SLC25A26: variants seen among roughly 807,000 people sequenced by gnomAD.
SLC25A26 encodes mitochondrial S-adenosylmethionine carrier protein.
SLC25A26 carries 36 observed loss-of-function variants against 37.8 expected under a neutral mutation model. The observed-to-expected ratio is 0.95, with a 90% CI of 0.73 to 1.26. SLC25A26 has a LOEUF of 1.26. Among genes scored for constraint, SLC25A26 ranks in the 50% most tolerant of loss-of-function variants. The pLI, the probability that SLC25A26 is intolerant of heterozygous loss-of-function variation, is 0.00. For missense variants in SLC25A26, 390 were observed against 331.1 expected (o/e 1.18, Z -1.38); for synonymous variants, 129 against 122.5 (o/e 1.05, Z -0.35).
At chr3:66,330,684 G>C (rs918407215) in intron 5 of SLC25A26, among the ~76,000 whole-genome samples, 1 of 151,720 alleles carries the variant, frequency 6.6e-6, no homozygotes, top group African/African-American at 2.4e-5. Context: ...CAGAATACAC[G>C]AAGTTTGTAA....
At chr3:66,364,718 T>C (rs2076788243) in intron 7 of SLC25A26, among the ~76,000 whole-genome samples, 1 of 152,138 alleles carries the variant, frequency 6.6e-6, no homozygotes, top group Non-Finnish European at 1.5e-5. Flanking sequence ...ATCCAGAAAA[T>C]GAAAACCTAC....
chr3:66,239,915 C>G (rs1401056346), intron 2 of SLC25A26, among the ~76,000 whole-genome samples: 2 of 149,456 alleles, frequency 1.3e-5, no homozygotes, highest in African/African-American at 4.9e-5. Flanking sequence ...TCTGTGGTAC[C>G]TAACAAGCAA....
At chr3:66,236,349 GC>G (rs1389932573) in intron 1 of SLC25A26, among the ~76,000 whole-genome samples, 194 bp from the exon 2 acceptor site, 1 of 149,714 alleles carries the variant, frequency 6.7e-6, no homozygotes, top group Non-Finnish European at 1.5e-5. Flanking sequence ...TAAAAATATA[GC>G]ACAATAATGG....
At chr3:66,351,496 G>A (rs2076452307) in intron 6 of SLC25A26, among the ~76,000 whole-genome samples, 1 of 152,094 alleles carries the variant, frequency 6.6e-6, no homozygotes, top group African/African-American at 2.4e-5. Flanking sequence ...ACAAAGACCT[G>A]TAGCTTGCTA....
chr3:66,239,904 G>T (rs887031786), intron 2 of SLC25A26, among the ~76,000 whole-genome samples: 2 of 145,266 alleles, frequency 1.4e-5, no homozygotes, highest in African/African-American at 5.1e-5. Context: ...TCAGGTTTCA[G>T]TCTGTGGTAC....
chr3:66,229,330 A>G (rs2071901069), intron 1 of SLC25A26, among the ~76,000 whole-genome samples: 1 of 152,180 alleles, frequency 6.6e-6, no homozygotes, highest in Admixed American at 6.5e-5. Flanking sequence ...TAGTTTCCCT[A>G]AGAAGACTGA....
intron 1 of SLC25A26, among the ~76,000 whole-genome samples, chr3:66,169,002 G>A (rs2070460743): frequency 6.6e-6 from 1 of 152,130 alleles, no homozygotes; most frequent in Admixed American, 6.5e-5. Context: ...GTGTGTGCCT[G>A]TAGTCCCAAC....
intron 5 of SLC25A26, among the ~76,000 whole-genome samples, chr3:66,279,907 C>T (rs1330722798): frequency 2.0e-5 from 3 of 152,062 alleles, no homozygotes; most frequent in Admixed American, 6.6e-5. Context: ...AAAATCACTT[C>T]GGGACAAAAT....
chr3:66,340,244 C>A (rs1559716526), intron 5 of SLC25A26, among the ~76,000 whole-genome samples: 1 of 151,944 alleles, frequency 6.6e-6, no homozygotes, highest in East Asian at 1.9e-4. Context: ...CAGTTTTGTT[C>A]ATTGTAGCTA....
At chr3:66,370,011 T>A (rs1700260622) in intron 8 of SLC25A26, among the ~76,000 whole-genome samples, 1 of 152,164 alleles carries the variant, frequency 6.6e-6, no homozygotes, top group African/African-American at 2.4e-5. Context: ...GCCATACGTA[T>A]AACATACCTG....
At chr3:66,307,096 T>A (rs1481730792) in intron 5 of SLC25A26, among the ~76,000 whole-genome samples, 1 of 152,212 alleles carries the variant, frequency 6.6e-6, no homozygotes, top group African/African-American at 2.4e-5. Flanking sequence ...TCTTCCATAA[T>A]GGTTAAACTA....
At chr3:66,240,207 A>G (rs2072506775) in intron 2 of SLC25A26, among the ~76,000 whole-genome samples, 1 of 152,182 alleles carries the variant, frequency 6.6e-6, no homozygotes, top group Non-Finnish European at 1.5e-5. Flanking sequence ...ACTCACTATA[A>G]TAGCAAGAGG....
Position 66,371,238 on chromosome 3 carries a change from C to A in SLC25A26, c.707+636C>A, listed in dbSNP as rs761944557. The A allele has an allele frequency of 1.8e-5, 28 of 1,541,634 alleles. No individual in the cohort carries two copies. In the African/African-American group the frequency reaches 3.2e-4, roughly 17 times the overall value. On this transcript the variant is annotated intron_variant, in intron 9 of 9. Transcript: ENST00000354883. ...CAGGGATTTTCTTGCAAGAGCAAAG[C>A]AGTGGCCTCCCTTTGCAGAGGGTCG...
chr3:66,356,696 G>A (rs1022394401), intron 6 of SLC25A26, among the ~76,000 whole-genome samples: 9 of 152,074 alleles, frequency 5.9e-5, no homozygotes, highest in South Asian at 2.1e-4. Context: ...TGGTGTGATC[G>A]CTGATAACTG....
At chr3:66,308,301 TTGTC>T (rs2075282520) in intron 5 of SLC25A26, among the ~76,000 whole-genome samples, 1 of 152,196 alleles carries the variant, frequency 6.6e-6, no homozygotes, top group Non-Finnish European at 1.5e-5. Flanking sequence ...GGCTCTCTGA[TTGTC>T]TGTTAATGGT....
At chr3:66,189,935 G>A (rs981200931) in intron 1 of SLC25A26, among the ~76,000 whole-genome samples, 4 of 152,128 alleles carry the variant, frequency 2.6e-5, no homozygotes, top group Admixed American at 6.5e-5. Context: ...AAAGTACTGG[G>A]ATTACAGGAG....
At chr3:66,192,311 A>G (rs1162008610) in intron 1 of SLC25A26, among the ~76,000 whole-genome samples, 3 of 65,438 alleles carry the variant, frequency 4.6e-5, no homozygotes, top group African/African-American at 2.1e-4. Flanking sequence ...GCAAGACTCC[A>G]TGTCACAAAA....
At chr3:66,164,064 C>A (rs1222035899) in intron 1 of SLC25A26, among the ~76,000 whole-genome samples, 3 of 152,124 alleles carry the variant, frequency 2.0e-5, no homozygotes, top group Non-Finnish European at 4.4e-5. Context: ...CTGATTTAAA[C>A]AATTAATACT....
In SLC25A26 at chr3:66,374,349, C is replaced by T. The variant is rs893404704; in HGVS notation, c.708-3341C>T. 2.6e-4 allele frequency among the ~76,000 whole-genome samples: 39 copies of T among 152,134 alleles called. 1 individual carries two copies. The highest frequency in any genetic ancestry group is 2.9e-5 in the Non-Finnish European group (2 of 68,030). On this transcript the variant is annotated intron_variant, in intron 9 of 9. Coordinates refer to ENST00000354883, the MANE Select transcript of SLC25A26 (RefSeq NM_001379210.1). ...CATATCTGCTGTGGTGATCTGTGATCAGCCGTCTTCGATGTTACTGTAATT... is the reference window on the plus strand; with the variant it reads ...CATATCTGCTGTGGTGATCTGTGATTAGCCGTCTTCGATGTTACTGTAATT...
Sources: allele counts gnomAD v4.1 joint callset (sites outside exome capture counted in the v4.1 genomes callset), GRCh38; gene constraint gnomAD v4.1.1; transcripts MANE v1.5; gene names NCBI Gene and HGNC (gene_info 2026-07-23, HGNC 2026-07-21).